Variants in TMEM178B observed in about 807,000 individuals in gnomAD.
The protein encoded by TMEM178B is transmembrane protein 178B.
TMEM178B carries 5 observed loss-of-function variants against 31.0 expected under a neutral mutation model. The ratio of observed to expected loss-of-function variants is 0.16; its 90% confidence interval spans 0.08 to 0.34. TMEM178B has a LOEUF of 0.34. Among genes scored for constraint, TMEM178B ranks in the 10% least tolerant of loss-of-function variants. The pLI is 1.00. For missense variants in TMEM178B, 275 were observed against 400.3 expected (o/e 0.69, Z 2.67); for synonymous variants, 164 against 164.0 (o/e 1.00, Z 0.00).
At chr7:141,393,150 T>A (rs1055999613) in intron 2 of TMEM178B, among the ~76,000 whole-genome samples, 17 of 152,156 alleles carry the variant, frequency 1.1e-4, no homozygotes, top group Non-Finnish European at 2.2e-4. Flanking sequence ...GAGAACTTGC[T>A]TCTGGGGAAG....
chr7:141,138,969 G>A, intron 1 of TMEM178B, among the ~76,000 whole-genome samples: 1 of 151,472 alleles, frequency 6.6e-6, no homozygotes, highest in Non-Finnish European at 1.5e-5. Context: ...GGGCAACACA[G>A]TGAGACTCCA....
chr7:141,397,014 G>A (rs1800669559), intron 2 of TMEM178B, among the ~76,000 whole-genome samples: 1 of 152,168 alleles, frequency 6.6e-6, no homozygotes, highest in Admixed American at 6.5e-5. Flanking sequence ...CATGAGCATT[G>A]TTGAGGAGGG....
rs560964565 is a variant in TMEM178B at position 141,240,273 on chromosome 7, A to G, written c.496+27569A>G. 3.9e-5 allele frequency among the ~76,000 whole-genome samples: 6 copies of G among 152,350 alleles called. No individual in the cohort carries two copies. The South Asian group carries it at 1.2e-3, about 32-fold the overall frequency. On this transcript the variant is annotated intron_variant, in intron 2 of 3. Coordinates refer to ENST00000565468, the MANE Select transcript of TMEM178B (RefSeq NM_001195278.2). The stretch of plus-strand genomic sequence containing the variant: ...TTAATTGGAGGAGGTGAGATGGCCA[A>G]TAATTCAAATTAATTACCATTATTA...
At chr7:141,364,009 G>T (rs887714427) in intron 2 of TMEM178B, among the ~76,000 whole-genome samples, 6 of 151,360 alleles carry the variant, frequency 4.0e-5, no homozygotes, top group African/African-American at 1.5e-4. Flanking sequence ...GGTTAAGAAG[G>T]CTTCATACAT....
At chr7:141,164,723 A>ATTTCTC (rs2129182081) in intron 1 of TMEM178B, among the ~76,000 whole-genome samples, 1 of 152,274 alleles carries the variant, frequency 6.6e-6, no homozygotes, top group South Asian at 2.1e-4. Context: ...GTTACAGGTG[A>ATTTCTC]TTTCTCTTTT....
chr7:141,077,546 C>T (rs1794619337), intron 1 of TMEM178B, among the ~76,000 whole-genome samples: 1 of 152,180 alleles, frequency 6.6e-6, no homozygotes, highest in Non-Finnish European at 1.5e-5. Context: ...AATCCATTCC[C>T]CTCCAGGACC....
chr7:141,182,366 G>A (rs745410538), intron 1 of TMEM178B, among the ~76,000 whole-genome samples: 1 of 152,188 alleles, frequency 6.6e-6, no homozygotes, highest in Non-Finnish European at 1.5e-5. Context: ...AAGTTATTGT[G>A]TGTTAAGGTC....
At chr7:141,361,265 C>G (rs1799914387) in intron 2 of TMEM178B, among the ~76,000 whole-genome samples, 1 of 152,048 alleles carries the variant, frequency 6.6e-6, no homozygotes, top group Admixed American at 6.6e-5. Context: ...TTTGTCTTCA[C>G]CATCCCTCTA....
chr7:141,168,078 C>T lies in TMEM178B; in HGVS notation c.383-44513C>T, dbSNP rs553413788. Among the ~76,000 whole-genome samples, 54 of 152,320 alleles carry T rather than the reference C, an allele frequency of 3.5e-4. 1 individual carries two copies. The highest frequency in any genetic ancestry group is 2.7e-3 in the South Asian group (13 of 4,818). On this transcript the variant is annotated intron_variant, in intron 1 of 3. Coordinates refer to ENST00000565468, the MANE Select transcript of TMEM178B (RefSeq NM_001195278.2). Reference sequence around the variant, plus strand: ...ACATTTTCTTAACATGTTTGATTTTCATGACATCCCTGCGAGATGGCCAGG... The same window carrying T: ...ACATTTTCTTAACATGTTTGATTTTTATGACATCCCTGCGAGATGGCCAGG...
intron 2 of TMEM178B, among the ~76,000 whole-genome samples, chr7:141,417,940 G>A (rs538109679): frequency 6.6e-6 from 1 of 152,262 alleles, no homozygotes; most frequent in Non-Finnish European, 1.5e-5. Flanking sequence ...CAGAGCTTAA[G>A]TCCAGACAGT....
At chr7:141,335,845 T>C (rs915194091) in intron 2 of TMEM178B, among the ~76,000 whole-genome samples, 1 of 152,094 alleles carries the variant, frequency 6.6e-6, no homozygotes, top group Non-Finnish European at 1.5e-5. Context: ...CCATGTTCTT[T>C]TTTCCTAAAT....
rs1322560454 is a variant in TMEM178B, at chr7:141,341,167, G to A, written c.497-96441G>A. On this transcript the variant is annotated intron_variant, in intron 2 of 3. Coordinates refer to ENST00000565468, the MANE Select transcript of TMEM178B (RefSeq NM_001195278.2). ...TATCTGCACACAAGCTGGAGAGAGG[G>A]ATGCAAACTGCTTGCCGGTTGTTGT... Among the ~76,000 whole-genome samples the A allele has an allele frequency of 3.3e-5, 5 of 152,152 alleles. No homozygotes were observed. In the East Asian group the frequency reaches 7.7e-4, roughly 23 times the overall value.
chr7:141,469,437 TAAAG>T (rs111692251), intron 3 of TMEM178B, among the ~76,000 whole-genome samples: 9 of 152,324 alleles, frequency 5.9e-5, no homozygotes, highest in African/African-American at 2.2e-4. Context: ...GGCTAGATCT[TAAAG>T]AAACAAGTCT....
intron 1 of TMEM178B, among the ~76,000 whole-genome samples, chr7:141,138,063 ATTT>A (rs202146160): frequency 2.1e-5 from 3 of 141,364 alleles, no homozygotes; most frequent in Non-Finnish European, 3.1e-5. Flanking sequence ...TTAAAATTCA[ATTT>A]TTTTTTTTTT....
At chr7:141,097,112 C>T (rs962643294) in intron 1 of TMEM178B, among the ~76,000 whole-genome samples, 2 of 151,332 alleles carry the variant, frequency 1.3e-5, no homozygotes, top group African/African-American at 2.4e-5. Flanking sequence ...AAATTCTTAG[C>T]GAAGTTACAG....
At chr7:141,440,268 G>A (rs1054711980) in intron 3 of TMEM178B, among the ~76,000 whole-genome samples, 1 of 152,218 alleles carries the variant, frequency 6.6e-6, no homozygotes, top group Non-Finnish European at 1.5e-5. Context: ...TAGGGTGAAT[G>A]AGTGAGAGCC....
chr7:141,225,837 A>G (rs781541660), intron 2 of TMEM178B, among the ~76,000 whole-genome samples: 4 of 152,118 alleles, frequency 2.6e-5, no homozygotes, highest in Non-Finnish European at 5.9e-5. Context: ...GTAGGCTTGT[A>G]TGAAGTCCAG....
the TMEM178B span, among the ~76,000 whole-genome samples, chr7:141,507,572 A>G: frequency 6.6e-6 from 1 of 152,110 alleles, no homozygotes; most frequent in African/African-American, 2.4e-5. Flanking sequence ...GGGTTTTACC[A>G]TGTTTTCCAG....
chr7:141,426,218 G>A (rs762773512), intron 2 of TMEM178B, among the ~76,000 whole-genome samples: 2 of 152,192 alleles, frequency 1.3e-5, no homozygotes, highest in Non-Finnish European at 2.9e-5. Context: ...TACAGTTTTA[G>A]CAATTGTTGC....
Sources: allele counts gnomAD v4.1 joint callset (sites outside exome capture counted in the v4.1 genomes callset), GRCh38; gene constraint gnomAD v4.1.1; transcripts MANE v1.5; gene names NCBI Gene and HGNC (gene_info 2026-07-23, HGNC 2026-07-21).